Variants in PCDH9 observed in about 807,000 individuals in gnomAD.
The protein encoded by PCDH9 is protocadherin 9.
A neutral mutation model predicts 70.6 loss-of-function variants in PCDH9; 24 were observed. The observed-to-expected ratio is 0.34, with a 90% CI of 0.25 to 0.48. The LOEUF is 0.48. PCDH9 is among the 20% of genes least tolerant of loss of function. The pLI, the probability that PCDH9 is intolerant of heterozygous loss-of-function variation, is 0.99. For synonymous variants in PCDH9, 562 were observed against 558.5 expected (o/e 1.01, Z -0.09); for missense variants, 1,281 against 1,503.6 (o/e 0.85, Z 2.45).
chr13:66,634,472 T>C (rs1369850204), intron 3 of PCDH9, among the ~76,000 whole-genome samples: 1 of 152,152 alleles, frequency 6.6e-6, no homozygotes, highest in Non-Finnish European at 1.5e-5. Flanking sequence ...AAGGGCTCAG[T>C]AGTACTTGCT....
intron 2 of PCDH9, among the ~76,000 whole-genome samples, chr13:67,045,078 G>C (rs1302377743): frequency 6.6e-6 from 1 of 152,084 alleles, no homozygotes; most frequent in African/African-American, 2.4e-5. Flanking sequence ...ACAGAATATA[G>C]AGAATTAGGG....
At chr13:66,543,377 T>G (rs1961048845) in intron 4 of PCDH9, among the ~76,000 whole-genome samples, 1 of 152,096 alleles carries the variant, frequency 6.6e-6, no homozygotes, top group Admixed American at 6.6e-5. Context: ...AAGACCATCC[T>G]GGCTAACATG....
At chr13:66,804,054 T>G (rs1264178762) in intron 3 of PCDH9, among the ~76,000 whole-genome samples, 1 of 152,202 alleles carries the variant, frequency 6.6e-6, no homozygotes, top group Non-Finnish European at 1.5e-5. Flanking sequence ...GCCATTTGCC[T>G]GGTTAAAATC....
intron 3 of PCDH9, among the ~76,000 whole-genome samples, chr13:66,893,930 C>T (rs2082134985): frequency 6.6e-6 from 1 of 152,066 alleles, no homozygotes; most frequent in South Asian, 2.1e-4. Flanking sequence ...CACTGTATGA[C>T]TTGCCGATCA....
chr13:66,551,688 T>A (rs139283560), intron 4 of PCDH9, among the ~76,000 whole-genome samples: 58 of 152,258 alleles, frequency 3.8e-4, no homozygotes, highest in African/African-American at 1.4e-3. Context: ...CCAAATTGAA[T>A]TTACCAAATT....
At position 67,227,397 on chromosome 13, in the gene PCDH9, G is replaced by A; in HGVS notation, c.1044C>T (p.Val348=). 6.2e-7 allele frequency: 1 copy of A among 1,613,196 alleles called. No individual in the cohort carries two copies. Among genetic ancestry groups the A allele is most frequent in the Non-Finnish European group, 8.5e-7 (1 of 1,179,158 alleles). Residue 348 remains valine, a synonymous_variant, in exon 2 of 5, where the codon GTC becomes GTT. Transcript: ENST00000377865. This position sits in a 1 kb window ranked among gnomAD's most constrained non-coding sequence, Gnocchi z 4.6. ...TAGGAGGGTTATCATTTACATCGGT[G>A]ACATTGATGGTAACCGTTGCTCGAG... ...TPARATVTIN[V]TDVNDNPPNI...
intron 4 of PCDH9, among the ~76,000 whole-genome samples, chr13:66,433,693 C>T (rs56183243): frequency 0.079 from 12,039 of 151,536 alleles, 570 homozygotes; most frequent in Middle Eastern, 0.12. Context: ...CAATGCATTG[C>T]TATGCTAGGT....
chr13:66,630,196 T>G (rs949472461), intron 4 of PCDH9, among the ~76,000 whole-genome samples: 1 of 152,100 alleles, frequency 6.6e-6, no homozygotes, highest in Non-Finnish European at 1.5e-5. Flanking sequence ...TTATTATAAT[T>G]ACTATTTTTA....
intron 2 of PCDH9, among the ~76,000 whole-genome samples, chr13:67,089,739 T>A (rs535117436): frequency 8.5e-5 from 13 of 152,172 alleles, no homozygotes; most frequent in African/African-American, 3.1e-4. Flanking sequence ...CTCTAGAACA[T>A]GAAATTTTTC....
intron 3 of PCDH9, among the ~76,000 whole-genome samples, chr13:66,866,689 C>T (rs1191763980): frequency 6.6e-6 from 1 of 151,894 alleles, no homozygotes; most frequent in Non-Finnish European, 1.5e-5. Flanking sequence ...CCCAGCTACT[C>T]AGGAAGCTGA....
intron 2 of PCDH9, chr13:67,205,661 A>G (rs2089321621): frequency 6.6e-6 from 1 of 152,224 alleles, no homozygotes; most frequent in Non-Finnish European, 1.5e-5. Context: ...CACATAGTGG[A>G]CAAAAAGGGT....
intron 3 of PCDH9, among the ~76,000 whole-genome samples, chr13:66,858,154 A>G (rs1195843098): frequency 2.0e-5 from 3 of 152,072 alleles, no homozygotes; most frequent in African/African-American, 7.2e-5. Context: ...AATTTATTCC[A>G]TTTTTATTTG....
At chr13:66,816,570 C>T (rs533837670) in intron 3 of PCDH9, among the ~76,000 whole-genome samples, 1 of 152,268 alleles carries the variant, frequency 6.6e-6, no homozygotes, top group South Asian at 2.1e-4. Flanking sequence ...TGTGCACATC[C>T]TGAAGACAGC....
intron 4 of PCDH9, among the ~76,000 whole-genome samples, chr13:66,444,929 G>T (rs573762429): frequency 6.6e-6 from 1 of 151,644 alleles, no homozygotes; most frequent in African/African-American, 2.4e-5. Flanking sequence ...AAAGATTATT[G>T]TGCTGACAAC....
At chr13:66,876,617 A>C (rs1377278411) in intron 3 of PCDH9, among the ~76,000 whole-genome samples, 2 of 152,130 alleles carry the variant, frequency 1.3e-5, no homozygotes, top group Non-Finnish European at 2.9e-5. Context: ...TTTTAGTTTA[A>C]GTACACTGTC....
intron 3 of PCDH9, among the ~76,000 whole-genome samples, chr13:66,769,792 A>T (rs1385082514): frequency 6.6e-6 from 1 of 152,176 alleles, no homozygotes; most frequent in Non-Finnish European, 1.5e-5. Flanking sequence ...TTGATCATTT[A>T]TCTGGCCAAA....
chr13:66,560,087 C>T (rs1961941259), intron 4 of PCDH9, among the ~76,000 whole-genome samples: 1 of 151,822 alleles, frequency 6.6e-6, no homozygotes, highest in Non-Finnish European at 1.5e-5. Context: ...GCATGCAGTC[C>T]TGTGTGTGGA....
intron 3 of PCDH9, among the ~76,000 whole-genome samples, chr13:66,804,593 C>A (rs2080382591): frequency 1.3e-5 from 2 of 152,104 alleles, no homozygotes; most frequent in Non-Finnish European, 2.9e-5. Context: ...AACAGCAAGC[C>A]TCTTTTGCCC....
intron 2 of PCDH9, chr13:67,225,139 G>A (rs1362737044): frequency 6.7e-6 from 9 of 1,346,450 alleles, no homozygotes; most frequent in Non-Finnish European, 8.5e-6. Flanking sequence ...ATTATCTTGG[G>A]ACATTTTGGA....
Sources: allele counts gnomAD v4.1 joint callset (sites outside exome capture counted in the v4.1 genomes callset), GRCh38; gene constraint gnomAD v4.1.1; non-coding constraint Gnocchi (gnomAD v3.1); transcripts MANE v1.5; gene names NCBI Gene and HGNC (gene_info 2026-07-23, HGNC 2026-07-21).